CSMD1: variants seen among roughly 807,000 people sequenced by gnomAD.
The protein encoded by CSMD1 is CUB and Sushi multiple domains 1.
In CSMD1, 213 loss-of-function variants were observed where a neutral mutation model predicts 417.5. The observed-to-expected ratio is 0.51, with a 90% confidence interval of 0.46 to 0.57. The LOEUF (loss-of-function observed/expected upper bound fraction) is 0.57, where lower values mean the gene tolerates loss of function less well. Among genes scored for constraint, CSMD1 ranks in the 20% least tolerant of loss-of-function variants. The pLI, the probability that CSMD1 is intolerant of heterozygous loss-of-function variation, is 0.00. For synonymous variants in CSMD1, 2,862 were observed against 1,736.8 expected (o/e 1.65, Z -16.11); for missense variants, 6,923 against 4,529.7 (o/e 1.53, Z -15.17).
chr8:3,381,915 C>A (rs555439209), intron 18 of CSMD1, among the ~76,000 whole-genome samples: 2 of 152,242 alleles, frequency 1.3e-5, no homozygotes, highest in Admixed American at 6.5e-5. Flanking sequence ...ACAGTATATG[C>A]ATATACACAA....
chr8:3,266,119 A>C (rs759777153), intron 26 of CSMD1, among the ~76,000 whole-genome samples: 1 of 151,266 alleles, frequency 6.6e-6, no homozygotes, highest in South Asian at 2.1e-4. Context: ...AAGAGAGAGT[A>C]TGTGCAGAAA....
intron 3 of CSMD1, among the ~76,000 whole-genome samples, chr8:4,278,100 T>C (rs1451264362): frequency 6.6e-6 from 1 of 152,146 alleles, no homozygotes; most frequent in Non-Finnish European, 1.5e-5. Flanking sequence ...ATAAAATCCT[T>C]TATGGTTCTC....
chr8:3,260,566 G>C (rs936983403), intron 26 of CSMD1, among the ~76,000 whole-genome samples: 2 of 151,008 alleles, frequency 1.3e-5, no homozygotes, highest in African/African-American at 4.9e-5. Flanking sequence ...ACTACAGAGA[G>C]GGTCCACCGA....
At chr8:4,585,700 G>C (rs1411836733) in intron 2 of CSMD1, among the ~76,000 whole-genome samples, 2 of 152,176 alleles carry the variant, frequency 1.3e-5, no homozygotes, top group Non-Finnish European at 2.9e-5. Flanking sequence ...CAGAGGTAAT[G>C]AATGCTGTCT....
At chr8:3,231,558 A>G (rs1798840387) in intron 26 of CSMD1, among the ~76,000 whole-genome samples, 1 of 152,198 alleles carries the variant, frequency 6.6e-6, no homozygotes, top group Non-Finnish European at 1.5e-5. Flanking sequence ...AATAAAATCC[A>G]TTTAAATAAA....
intron 2 of CSMD1, among the ~76,000 whole-genome samples, chr8:4,456,985 T>TAAAAA (rs1554485114): frequency 0.019 from 2,661 of 138,696 alleles, 55 homozygotes; most frequent in African/African-American, 0.053. Context: ...GGTTTTTTTT[T>TAAAAA]AAAAAAAAAA....
intron 17 of CSMD1, among the ~76,000 whole-genome samples, chr8:3,390,263 G>C (rs568655848): frequency 1.0e-4 from 15 of 146,986 alleles, no homozygotes; most frequent in African/African-American, 3.5e-4. Flanking sequence ...GCTGAGTCAG[G>C]AGAAACGCTT....
intron 1 of CSMD1, among the ~76,000 whole-genome samples, chr8:4,796,214 G>C (rs985886634): frequency 1.3e-5 from 2 of 151,958 alleles, no homozygotes; most frequent in Admixed American, 1.3e-4. Context: ...CCTGCATCTA[G>C]TTGCTCCAAA....
chr8:3,162,110 C>T, intron 38 of CSMD1, 49 bp downstream of exon 38: 1 of 1,234,704 alleles, frequency 8.1e-7, no homozygotes, highest in Non-Finnish European at 1.2e-6. Flanking sequence ...GAGAGCTGCA[C>T]AAAGATGACC....
At chr8:4,215,714 A>G (rs750194196) in intron 3 of CSMD1, among the ~76,000 whole-genome samples, 1 of 152,188 alleles carries the variant, frequency 6.6e-6, no homozygotes, top group Non-Finnish European at 1.5e-5. Context: ...TAAAACTCAA[A>G]TGTACATGTG....
chr8:3,901,261 G>T (rs1188399522), intron 5 of CSMD1, among the ~76,000 whole-genome samples: 1 of 152,048 alleles, frequency 6.6e-6, no homozygotes, highest in Admixed American at 6.6e-5. Context: ...GTTGTACTGA[G>T]GTTTCTTTGA....
intron 4 of CSMD1, among the ~76,000 whole-genome samples, chr8:4,025,642 G>C (rs1202194893): frequency 6.6e-6 from 1 of 152,086 alleles, no homozygotes; most frequent in African/African-American, 2.4e-5. Flanking sequence ...AATGAATAAG[G>C]TGAATTAAGA....
At chr8:4,253,009 T>C (rs1047239370) in intron 3 of CSMD1, among the ~76,000 whole-genome samples, 3 of 152,218 alleles carry the variant, frequency 2.0e-5, no homozygotes, top group African/African-American at 7.2e-5. Flanking sequence ...TGTCGGATTA[T>C]CGGTACCAGC....
At chr8:4,388,178 C>T (rs1349239721) in intron 3 of CSMD1, among the ~76,000 whole-genome samples, 1 of 152,064 alleles carries the variant, frequency 6.6e-6, no homozygotes, top group Non-Finnish European at 1.5e-5. Flanking sequence ...GGCATCTACC[C>T]AGAGGAAAAG....
At chr8:3,605,149 G>C (rs966561527) in intron 8 of CSMD1, among the ~76,000 whole-genome samples, 1 of 152,236 alleles carries the variant, frequency 6.6e-6, no homozygotes, top group East Asian at 1.9e-4. Flanking sequence ...CGCATGCCAT[G>C]TCTGGCTAAT....
intron 3 of CSMD1, among the ~76,000 whole-genome samples, chr8:4,236,663 C>T (rs1802084016): frequency 6.6e-6 from 1 of 152,282 alleles, no homozygotes; most frequent in East Asian, 1.9e-4. Flanking sequence ...TAATGAATTG[C>T]ATGCTTATTT....
chr8:3,190,648 G>T (rs1454250085), intron 33 of CSMD1, among the ~76,000 whole-genome samples: 1 of 152,098 alleles, frequency 6.6e-6, no homozygotes, highest in East Asian at 1.9e-4. Context: ...CTTATCTAAA[G>T]GAATTTAAAT....
intron 1 of CSMD1, among the ~76,000 whole-genome samples, chr8:4,772,322 T>C (rs1019818383): frequency 7.2e-5 from 11 of 152,212 alleles, no homozygotes; most frequent in African/African-American, 2.7e-4. Flanking sequence ...TCTTTACGCA[T>C]CTTCTATCCT....
chr8:4,308,369 T>C (rs1798366480), intron 3 of CSMD1, among the ~76,000 whole-genome samples: 1 of 151,998 alleles, frequency 6.6e-6, no homozygotes. Context: ...GTGTAGTGTG[T>C]GTTCTGTGCA....
Sources: allele counts gnomAD v4.1 joint callset (sites outside exome capture counted in the v4.1 genomes callset), GRCh38; gene constraint gnomAD v4.1.1; transcripts MANE v1.5; gene names NCBI Gene and HGNC (gene_info 2026-07-23, HGNC 2026-07-21).